Variants in MCU observed in about 807,000 individuals in gnomAD.
MCU encodes the protein calcium uniporter protein, mitochondrial.
Under a neutral mutation model 45.2 loss-of-function variants are expected in MCU, and 12 were observed. That is an observed-to-expected ratio of 0.27 (90% CI 0.17 to 0.43). The LOEUF is 0.43. Among genes scored for constraint, MCU ranks in the 20% least tolerant of loss-of-function variants. The pLI is 1.00. For missense variants in MCU, 324 were observed against 436.7 expected (o/e 0.74, Z 2.30); for synonymous variants, 160 against 165.1 (o/e 0.97, Z 0.24).
intron 1 of MCU, among the ~76,000 whole-genome samples, chr10:72,728,280 G>A (rs931735512): frequency 4.6e-5 from 7 of 152,134 alleles, no homozygotes; most frequent in African/African-American, 1.7e-4. Flanking sequence ...GAGAGACTGG[G>A]TAACTGAATT....
intron 1 of MCU, among the ~76,000 whole-genome samples, chr10:72,819,413 G>T (rs1343918145): frequency 1.3e-5 from 2 of 152,092 alleles, no homozygotes; most frequent in Non-Finnish European, 2.9e-5. Context: ...ACCCCAACAT[G>T]CTAAATACTC....
At chr10:72,725,075 C>T (rs1482429214) in intron 1 of MCU, among the ~76,000 whole-genome samples, 1 of 117,496 alleles carries the variant, frequency 8.5e-6, no homozygotes. Flanking sequence ...GGGATCCTCC[C>T]ACCTCAGCCT....
intron 1 of MCU, among the ~76,000 whole-genome samples, chr10:72,753,989 A>C (rs866579291): frequency 6.6e-6 from 1 of 152,224 alleles, no homozygotes; most frequent in Non-Finnish European, 1.5e-5. Context: ...AGAGTGATTA[A>C]GTAACTTACC....
At chr10:72,818,237 T>C (rs1185532607) in intron 1 of MCU, among the ~76,000 whole-genome samples, 1 of 152,320 alleles carries the variant, frequency 6.6e-6, no homozygotes, top group Admixed American at 6.5e-5. Context: ...GCTTCAAAGC[T>C]AGGATTAGTG....
At position 72,808,742 on chromosome 10, in the gene MCU, G is replaced by A. The variant is rs115785090; in HGVS notation, c.151-25617G>A. Among the ~76,000 whole-genome samples, 449 of 152,308 alleles carry A rather than the reference G, an allele frequency of 2.9e-3. 4 individuals are homozygous for A. The highest frequency in any genetic ancestry group is 0.01 in the African/African-American group (421 of 41,562). ...CATGGCTAGAATCATGGCGGAAGGC[G>A]AAGAGGGAGCAAGCACATCTTACTA... On this transcript the variant is annotated intron_variant, in intron 1 of 7. Coordinates refer to ENST00000373053, the MANE Select transcript of MCU (RefSeq NM_138357.3).
chr10:72,824,372 A>ATT (rs66765142), intron 1 of MCU, among the ~76,000 whole-genome samples: 18 of 133,754 alleles, frequency 1.3e-4, no homozygotes, highest in African/African-American at 3.5e-4. Context: ...AATTTTTTGT[A>ATT]TTTTTTTTTT....
intron 1 of MCU, chr10:72,736,401 TA>T (rs906744873): frequency 6.6e-6 from 1 of 152,202 alleles, no homozygotes; most frequent in African/African-American, 2.4e-5. Flanking sequence ...GGTTTAGTCC[TA>T]AAAGGAAGTG....
chr10:72,692,307 C>G lies in MCU; in HGVS notation c.150+6C>G. On this transcript the variant is annotated splice_donor_region_variant and intron_variant, in intron 1 of 7. Coordinates refer to ENST00000373053, the MANE Select transcript of MCU (RefSeq NM_138357.3). ...AGCAGCAGCACCACCGGACGGTGAG[C>G]GAGCGCGCCCGGAGGCTCCGGGGAG... The G allele has an allele frequency of 8.2e-7, 1 of 1,212,156 alleles. No homozygotes were observed. The highest frequency in any genetic ancestry group is 1.0e-6 in the Non-Finnish European group (1 of 974,572). The allele number at this position is 1,212,156 out of a possible 1,614,324, so 75.1% of individuals were successfully genotyped here.
At chr10:72,730,369 C>G (rs1316249167) in intron 1 of MCU, among the ~76,000 whole-genome samples, 1 of 148,282 alleles carries the variant, frequency 6.7e-6, no homozygotes, top group Non-Finnish European at 1.5e-5. Context: ...AATGCAGAAC[C>G]AATCCGCCTC....
At chr10:72,885,073 A>C (rs968415011) in intron 7 of MCU, among the ~76,000 whole-genome samples, 1 of 151,780 alleles carries the variant, frequency 6.6e-6, no homozygotes, top group African/African-American at 2.4e-5. Context: ...CTTCTTGATG[A>C]TAGGGTTGTG....
Position 72,700,326 on chromosome 10 carries a change from GT to G in MCU, c.150+8027del, listed in dbSNP as rs371110471. ...TCCCCCCACTTCAGCCTTGGAAAGT[GT>G]TGGGATTACAAGGCGTGAGCCACTG... On this transcript the variant is annotated intron_variant, in intron 1 of 7. Coordinates refer to ENST00000373053, the MANE Select transcript of MCU (RefSeq NM_138357.3). Among the ~76,000 whole-genome samples, 76 of 151,606 alleles carry G rather than the reference GT, an allele frequency of 5.0e-4. 2 individuals carry two copies. In the South Asian group the frequency reaches 9.8e-3, roughly 20 times the overall value.
intron 1 of MCU, among the ~76,000 whole-genome samples, chr10:72,760,314 G>A (rs1843636984): frequency 1.4e-5 from 2 of 147,820 alleles, no homozygotes; most frequent in Non-Finnish European, 3.0e-5. Flanking sequence ...GCCTCTCAAA[G>A]TATGGGGATT....
intron 1 of MCU, among the ~76,000 whole-genome samples, chr10:72,752,187 G>T (rs529956624): frequency 4.6e-5 from 7 of 151,700 alleles, no homozygotes; most frequent in Non-Finnish European, 1.0e-4. Context: ...CAACCCTTAG[G>T]AGATAATACT....
chr10:72,758,476 C>CA (rs1234225360), intron 1 of MCU, among the ~76,000 whole-genome samples: 1 of 152,138 alleles, frequency 6.6e-6, no homozygotes, highest in Non-Finnish European at 1.5e-5. Context: ...TGTAAAATCT[C>CA]AGAGAATTGA....
At chr10:72,746,167 T>C (rs1843412216) in intron 1 of MCU, among the ~76,000 whole-genome samples, 1 of 152,198 alleles carries the variant, frequency 6.6e-6, no homozygotes, top group Admixed American at 6.5e-5. Context: ...TGAAACCTAG[T>C]GGAAAACTAT....
intron 1 of MCU, among the ~76,000 whole-genome samples, chr10:72,762,967 T>C (rs889703175): frequency 6.6e-6 from 1 of 152,186 alleles, no homozygotes; most frequent in Non-Finnish European, 1.5e-5. Context: ...GCAGAATCTG[T>C]TTCCTTGCCT....
intron 2 of MCU, among the ~76,000 whole-genome samples, chr10:72,834,829 T>A (rs1844932977): frequency 6.6e-6 from 1 of 152,022 alleles, no homozygotes. Flanking sequence ...CCAACTAATT[T>A]TTGTATTTTT....
At position 72,886,382 on chromosome 10, in the gene MCU, CATT is replaced by C. The variant is rs1332890541; in HGVS notation, c.*561_*563del. ...CCTACCTGTACCTCTTGGTTACACT[CATT>C]TTTTCCATTTGATAATTGGAACCAA... is the stretch of plus-strand genomic sequence containing the variant. On this transcript the variant is annotated 3_prime_UTR_variant, in exon 8 of 8. Transcript: ENST00000373053. 6.6e-6 allele frequency: 1 copy of C among 152,582 alleles called. No individual in the cohort carries two copies. 9.5% of individuals were successfully genotyped at this position (152,582 alleles called of 1,614,324 possible). A position where few individuals can be genotyped will look rare whatever the true frequency, so the allele number is the denominator to read the frequency against.
intron 1 of MCU, among the ~76,000 whole-genome samples, chr10:72,769,426 G>T (rs1407081412): frequency 2.0e-5 from 3 of 152,062 alleles, no homozygotes; most frequent in African/African-American, 7.2e-5. Flanking sequence ...TAATATTGAT[G>T]AAACATACTA....
Sources: gnomAD v4.1 joint callset for allele counts (sites outside exome capture counted in the v4.1 genomes callset) on GRCh38, gnomAD v4.1.1 for gene constraint, MANE v1.5 for transcripts, NCBI Gene and HGNC (gene_info 2026-07-23, HGNC 2026-07-21) for gene names.